Variants in EPS8L1 observed in about 807,000 individuals in gnomAD.
EPS8L1 encodes the protein epidermal growth factor receptor kinase substrate 8-like protein 1.
A neutral mutation model predicts 91.7 loss-of-function variants in EPS8L1; 101 were observed. The ratio of observed to expected loss-of-function variants is 1.10; its 90% CI spans 0.94 to 1.30. EPS8L1 has a LOEUF of 1.30. EPS8L1 is among the 50% of genes most tolerant of loss of function. EPS8L1 has a pLI of 0.00. For synonymous variants in EPS8L1, 506 were observed against 445.3 expected (o/e 1.14, Z -1.72); for missense variants, 1,114 against 1,017.0 (o/e 1.10, Z -1.30).
intron 2 of EPS8L1, among the ~76,000 whole-genome samples, chr19:55,076,725 C>A (rs1456858224): frequency 6.6e-6 from 1 of 152,214 alleles, no homozygotes; most frequent in East Asian, 1.9e-4. Flanking sequence ...AGGACATCAC[C>A]TCCTGGAGCC....
chr19:55,081,600 T>C lies in EPS8L1; in HGVS notation c.774+108T>C. ...GGGACGGGCGTTCTCTGGTCAGACTTCTGCGTTATGGAAGAGGGGCTGGGT... is the reference window on the plus strand; with the variant it reads ...GGGACGGGCGTTCTCTGGTCAGACTCCTGCGTTATGGAAGAGGGGCTGGGT... On this transcript the variant is annotated intron_variant, in intron 8 of 19. Transcript: ENST00000201647. This position sits in a 1 kb window ranked among gnomAD's most constrained non-coding sequence, Gnocchi z 4.9. 1 of 666,846 alleles carries C rather than the reference T, an allele frequency of 1.5e-6. No homozygotes were observed. Among genetic ancestry groups the C allele is most frequent in the Non-Finnish European group, 2.2e-6 (1 of 461,474 alleles). The allele number at this position is 666,846 out of a possible 1,614,324, so 41.3% of individuals were successfully genotyped here.
chr19:55,086,748 A>G lies in EPS8L1; in HGVS notation c.1812A>G (p.Glu604=), dbSNP rs2076356786. ...KFSQMLIVNE[E]LQARLAQGRS... is the part of the protein sequence containing the mutation. Reference sequence around the variant, plus strand: ...CCCAGATGCTCATCGTCAACGAGGAACTGCAGGCGCGCCTGGCCCAGGGCC... The same window carrying G: ...CCCAGATGCTCATCGTCAACGAGGAGCTGCAGGCGCGCCTGGCCCAGGGCC... The change falls in exon 18 of 20, where the codon GAA becomes GAG. Residue 604 remains glutamate, a synonymous_variant. Coordinates refer to ENST00000201647, the MANE Select transcript of EPS8L1 (RefSeq NM_133180.3). The G allele has an allele frequency of 3.7e-6, 6 of 1,609,524 alleles. No individual in the cohort carries two copies. Among genetic ancestry groups the G allele is most frequent in the Non-Finnish European group, 3.4e-6 (4 of 1,178,646 alleles).
In EPS8L1 at chr19:55,083,984, C is replaced by T. The variant is rs1175794867; in HGVS notation, c.1385+340C>T. The T allele has an allele frequency of 5.3e-6, 3 of 562,092 alleles. No homozygotes were observed. The highest frequency in any genetic ancestry group is 6.1e-5 in the East Asian group (2 of 32,678). The allele number at this position is 562,092 out of a possible 1,614,324, so 34.8% of individuals were successfully genotyped here. On this transcript the variant is annotated intron_variant, in intron 14 of 19. Transcript: ENST00000201647. The surrounding 1 kb of genome is among the most constrained non-coding windows in gnomAD (Gnocchi z 4.7). ...AGAAGCCAGTTTGTTTTCCCAGGGC[C>T]TGGGAAGCACCATGCCTGGGCTCCC...
At position 55,087,677 on chromosome 19, in the gene EPS8L1, T is replaced by C. The variant is rs2076368042; in HGVS notation, c.*63T>C. The C allele has an allele frequency of 1.9e-6, 3 of 1,541,634 alleles. No homozygotes were observed. The highest frequency in any genetic ancestry group is 2.7e-6 in the Non-Finnish European group (3 of 1,121,460). On this transcript the variant is annotated 3_prime_UTR_variant, in exon 20 of 20. Coordinates refer to ENST00000201647, the MANE Select transcript of EPS8L1 (RefSeq NM_133180.3). Reference sequence around the variant, plus strand: ...GTGGGAGAACGGACTCCTCAGACTCTCCCCAATAGCGGAAGTCGATCTTCT... The same window carrying C: ...GTGGGAGAACGGACTCCTCAGACTCCCCCCAATAGCGGAAGTCGATCTTCT...
At chr19:55,082,685 AAATAG>A in intron 12 of EPS8L1, 83 bp downstream of exon 12, 1 of 1,327,656 alleles carries the variant, frequency 7.5e-7, no homozygotes, top group South Asian at 1.4e-5. Context: ...GATGATTGGA[AAATAG>A]GACTAGGAGA....
At chr19:55,085,737 T>C in intron 14 of EPS8L1, 104 bp from the exon 15 acceptor site, 1 of 1,364,292 alleles carries the variant, frequency 7.3e-7, no homozygotes, top group Non-Finnish European at 1.0e-6. Flanking sequence ...CGGCCCCTGC[T>C]GTGCCCCCAG....
At position 55,087,306 on chromosome 19, in the gene EPS8L1, C is replaced by A. The variant is rs760675909; in HGVS notation, c.1956C>A (p.Thr652=). Residue 652 remains threonine, a synonymous_variant, in exon 19 of 20, where the codon ACC becomes ACA. Transcript: ENST00000201647. Reference sequence around the variant, plus strand: ...CGCCCGGGCTGCCCTCGCTCAGGACCGTGGACGCGCTGGGTGTGCTGACCG... The same window carrying A: ...CGCCCGGGCTGCCCTCGCTCAGGACAGTGGACGCGCTGGGTGTGCTGACCG... ...WLQAKGFSSG[T]VDALGVLTGA... 1.9e-6 allele frequency: 3 copies of A among 1,604,548 alleles called. No homozygotes were observed. Among genetic ancestry groups the A allele is most frequent in the Non-Finnish European group, 2.6e-6 (3 of 1,176,238 alleles).
Position 55,082,177 on chromosome 19 carries a change from G to C in EPS8L1, c.987G>C (p.Leu329=), listed in dbSNP as rs748422580. The C allele has an allele frequency of 2.5e-6, 4 of 1,596,608 alleles. No homozygotes were observed. In the Admixed American group the frequency reaches 5.2e-5, roughly 21 times the overall value. ...AGAAGATCAAGTACGCCTTCAGCCT[G>C]CTGGTGAGGACGCGCCCGCCCCTGG... ...VLQKIKYAFS[L]LARLRGNIAD... Residue 329 remains leucine, a synonymous_variant, in exon 10 of 20, where the codon CTG becomes CTC. Coordinates refer to ENST00000201647, the MANE Select transcript of EPS8L1 (RefSeq NM_133180.3).
intron 2 of EPS8L1, among the ~76,000 whole-genome samples, chr19:55,076,720 A>G (rs1723011724): frequency 6.6e-6 from 1 of 152,224 alleles, no homozygotes; most frequent in Non-Finnish European, 1.5e-5. Context: ...GTCAGAGGAC[A>G]TCACCTCCTG....
In EPS8L1 at chr19:55,082,159, C is replaced by G. The variant is rs1457705820; in HGVS notation, c.969C>G (p.Ile323Met). 1.9e-6 allele frequency: 3 copies of G among 1,602,828 alleles called. No homozygotes were observed. In the Admixed American group the frequency reaches 5.1e-5, roughly 27 times the overall value. The change falls in exon 10 of 20, where the codon ATC becomes ATG. Residue 323 changes from isoleucine (I) to methionine (M), a missense_variant. Physicochemically the swap from Ile to Met is conservative, Grantham distance 10. Coordinates refer to ENST00000201647, the MANE Select transcript of EPS8L1 (RefSeq NM_133180.3). ...AGTACACCGACGTGCTGCAGAAGAT[C>G]AAGTACGCCTTCAGCCTGCTGGTGA... ...EAEYTDVLQKIKYAFSLLARL... is the reference protein window; with the variant it reads ...EAEYTDVLQKMKYAFSLLARL...
intron 16 of EPS8L1, 99 bp from the exon 17 acceptor site, chr19:55,086,293 G>A: frequency 1.2e-6 from 2 of 1,611,722 alleles, no homozygotes; most frequent in Non-Finnish European, 1.7e-6. Flanking sequence ...GCTGGAGCAG[G>A]TGGTGACTGG....
chr19:55,077,932 CAATAAT>C (rs34626114), intron 2 of EPS8L1, among the ~76,000 whole-genome samples, 150 bp from the exon 3 acceptor site: 2,692 of 126,254 alleles, frequency 0.021, 48 homozygotes, highest in African/African-American at 0.049. Context: ...CTCTCCTGCT[CAATAAT>C]AATAATAATA....
rs754773147 is a variant in EPS8L1, at chr19:55,083,427, A to G, written c.1264A>G (p.Ser422Gly). 1.2e-6 allele frequency: 2 copies of G among 1,612,286 alleles called. No individual in the cohort carries two copies. Among genetic ancestry groups the G allele is most frequent in the Admixed American group, 3.3e-5 (2 of 60,022 alleles). The change falls in exon 13 of 20, where the codon AGC (serine) becomes GGC (glycine). Residue 422 changes from serine to glycine, a missense_variant. Transcript: ENST00000201647. The surrounding 1 kb of genome is among the most constrained non-coding windows in gnomAD (Gnocchi z 4.7). ...ACCCCCATACAGACCCGAGTTCTTC[A>G]GCGGCTGGGAGCCGCCGGTCACTGA... Reference protein sequence around the residue: ...EGPPYRPEFFSGWEPPVTDPQ... With the variant: ...EGPPYRPEFFGGWEPPVTDPQ...
chr19:55,087,212 G>T, intron 18 of EPS8L1, 91 bp from the exon 19 acceptor site: 1 of 1,503,668 alleles, frequency 6.7e-7, no homozygotes, highest in South Asian at 1.3e-5. Context: ...ATGCTGTTCT[G>T]ATTGGACCAT....
In EPS8L1 at chr19:55,082,446, CCT is replaced by C. The variant is rs773260234; in HGVS notation, c.1066-7_1066-6del. 1 of 1,611,960 alleles carries C rather than the reference CCT, an allele frequency of 6.2e-7. No homozygotes were observed. The highest frequency in any genetic ancestry group is 8.5e-7 in the Non-Finnish European group (1 of 1,179,206). On this transcript the variant is annotated splice_polypyrimidine_tract_variant and splice_region_variant and intron_variant, in intron 11 of 19. Coordinates refer to ENST00000201647, the MANE Select transcript of EPS8L1 (RefSeq NM_133180.3). ...CGGCACAGCCTGCCCCTCCTGCTCCCCTGACAGATTGTGAACACGTCGGGGGG... is the reference window on the plus strand; with the variant it reads ...CGGCACAGCCTGCCCCTCCTGCTCCCGACAGATTGTGAACACGTCGGGGGG...
At chr19:55,082,421 C>T (rs1162858313) in intron 11 of EPS8L1, 33 bp from the exon 12 acceptor site, 4 of 1,610,916 alleles carry the variant, frequency 2.5e-6, no homozygotes, top group East Asian at 4.5e-5. Flanking sequence ...GAAGGTGTGG[C>T]GGCACAGCCT....
In EPS8L1 at chr19:55,083,696, G is replaced by C. The variant is rs774430968; in HGVS notation, c.1385+52G>C. 1.3e-6 allele frequency: 2 copies of C among 1,569,140 alleles called. No homozygotes were observed. Among genetic ancestry groups the C allele is most frequent in the African/African-American group, 1.3e-5 (1 of 74,288 alleles). On this transcript the variant is annotated intron_variant, in intron 14 of 19. Coordinates refer to ENST00000201647, the MANE Select transcript of EPS8L1 (RefSeq NM_133180.3). This position sits in a 1 kb window ranked among gnomAD's most constrained non-coding sequence, Gnocchi z 4.7. Reference sequence around the variant, plus strand: ...AGGGGGTCAAGGAGGGGTGCGTCCCGGGGGCTCCCGATGCTGACTCCGCCC... The same window carrying C: ...AGGGGGTCAAGGAGGGGTGCGTCCCCGGGGCTCCCGATGCTGACTCCGCCC...
intron 2 of EPS8L1, 100 bp downstream of exon 2, chr19:55,076,561 C>A (rs550698405): frequency 7.2e-7 from 1 of 1,382,796 alleles, no homozygotes; most frequent in East Asian, 2.4e-5. Context: ...CTGTTTGCGG[C>A]GGCCCAGACT....
At chr19:55,076,853 C>T (rs146145129) in intron 2 of EPS8L1, among the ~76,000 whole-genome samples, 2 of 152,300 alleles carry the variant, frequency 1.3e-5, no homozygotes, top group South Asian at 2.1e-4. Flanking sequence ...GTCGCTATTG[C>T]GATTGTTATG....
Sources: allele counts gnomAD v4.1 joint callset (sites outside exome capture counted in the v4.1 genomes callset), GRCh38; gene constraint gnomAD v4.1.1; non-coding constraint Gnocchi (gnomAD v3.1); transcripts MANE v1.5; gene names NCBI Gene and HGNC (gene_info 2026-07-23, HGNC 2026-07-21).